Variants in SLC16A4 observed in about 807,000 individuals in gnomAD.
SLC16A4 encodes probable monocarboxylate transporter 5.
SLC16A4 carries 39 observed loss-of-function variants against 47.9 expected under a neutral mutation model. The observed-to-expected ratio is 0.81, with a 90% confidence interval of 0.63 to 1.06. The LOEUF (loss-of-function observed/expected upper bound fraction) is 1.06, where lower values mean the gene tolerates loss of function less well. Among genes scored for constraint, SLC16A4 ranks in the 50% least tolerant of loss-of-function variants. The pLI is 0.00. For synonymous variants in SLC16A4, 189 were observed against 199.9 expected, an observed-to-expected ratio of 0.95 and a Z score of 0.46; for missense variants, 524 against 573.8, an observed-to-expected ratio of 0.91 and a Z score of 0.89.
intron 7 of SLC16A4, 77 bp from the exon 8 acceptor site, chr1:110,375,628 A>G (rs1661957821): frequency 1.3e-6 from 1 of 790,724 alleles, no homozygotes; most frequent in East Asian, 2.5e-5. Flanking sequence ...AGGGACAAAT[A>G]CTATTTATAT....
chr1:110,377,250 ATC>A (rs1662059569), intron 6 of SLC16A4, 89 bp from the exon 7 acceptor site: 1 of 1,068,526 alleles, frequency 9.4e-7, no homozygotes, highest in African/African-American at 1.6e-5. Context: ...ATATGATCTC[ATC>A]CTGAGGCCAG....
chr1:110,381,982 T>C (rs1355116832), intron 3 of SLC16A4, among the ~76,000 whole-genome samples, 187 bp from the exon 4 acceptor site: 1 of 152,178 alleles, frequency 6.6e-6, no homozygotes, highest in Non-Finnish European at 1.5e-5. Context: ...ATTTTAGTTT[T>C]TGGAAGGGGA....
chr1:110,377,762 A>C (rs1662090229), intron 6 of SLC16A4, among the ~76,000 whole-genome samples: 1 of 152,188 alleles, frequency 6.6e-6, no homozygotes, highest in Non-Finnish European at 1.5e-5. Flanking sequence ...TAGATCAAGC[A>C]TTCTGTCTTT....
intron 8 of SLC16A4, among the ~76,000 whole-genome samples, chr1:110,367,792 G>C (rs1467612325): frequency 6.6e-6 from 1 of 152,090 alleles, no homozygotes; most frequent in Non-Finnish European, 1.5e-5. Flanking sequence ...AATCTGTTCA[G>C]ATGCACTTCG....
chr1:110,367,324 T>A (rs1284144969), intron 8 of SLC16A4, among the ~76,000 whole-genome samples: 1 of 152,058 alleles, frequency 6.6e-6, no homozygotes, highest in Non-Finnish European at 1.5e-5. Context: ...TGAGACCCTA[T>A]CTCTACAAAA....
chr1:110,387,439 A>C (rs778510824), intron 2 of SLC16A4, among the ~76,000 whole-genome samples: 5 of 152,240 alleles, frequency 3.3e-5, no homozygotes, highest in Non-Finnish European at 7.3e-5. Context: ...GTTGTAAGTC[A>C]TACAGAAACA....
intron 8 of SLC16A4, among the ~76,000 whole-genome samples, chr1:110,365,466 C>G (rs775278402): frequency 5.9e-5 from 9 of 152,122 alleles, no homozygotes; most frequent in Non-Finnish European, 1.3e-4. Flanking sequence ...GTTTTATAAC[C>G]TCTTAAGTTC....
chr1:110,383,945 G>C lies in SLC16A4; in HGVS notation c.88-979C>G, dbSNP rs184898446. ...AGGACAGCTTGGAAGTTAGAAGCAG[G>C]ATGGATGGAGTTGGTTAGGTCAGAT... On this transcript the variant is annotated intron_variant, in intron 2 of 8. Transcript: ENST00000369779. Among the ~76,000 whole-genome samples, 6 of 151,804 alleles carry C rather than the reference G, an allele frequency of 4.0e-5. No homozygotes were observed. In the East Asian group the frequency reaches 5.9e-4, roughly 15 times the overall value.
Position 110,382,877 on chromosome 1 carries a change from A to G in SLC16A4, c.177T>C (p.Ile59=). 3.1e-6 allele frequency: 5 copies of G among 1,612,440 alleles called. No individual in the cohort carries two copies. The highest frequency in any genetic ancestry group is 4.2e-6 in the Non-Finnish European group (5 of 1,178,882). ...ATGACATGATGGATCCAATCCAACC[A>G]ATTTGCTCTGAGGTGCCTTCAAACT... ...QEEFEGTSEQ[I]GWIGSIMSSL... The change falls in exon 3 of 9, where the codon ATT becomes ATC. Residue 59 remains isoleucine, a synonymous_variant. Coordinates refer to ENST00000369779, the MANE Select transcript of SLC16A4 (RefSeq NM_004696.3).
chr1:110,389,031 T>C (rs1486214535), intron 2 of SLC16A4, among the ~76,000 whole-genome samples: 1 of 152,226 alleles, frequency 6.6e-6, no homozygotes, highest in Admixed American at 6.5e-5. Context: ...CTGCTTTTGC[T>C]CTAGGGGCAT....
chr1:110,366,221 A>G (rs578122860), intron 8 of SLC16A4, among the ~76,000 whole-genome samples: 11 of 151,312 alleles, frequency 7.3e-5, no homozygotes, highest in Non-Finnish European at 1.5e-4. Context: ...TGAGTTGCGC[A>G]ATCTCGGCTC....
chr1:110,373,316 C>T (rs1447888563), intron 8 of SLC16A4, among the ~76,000 whole-genome samples: 1 of 152,160 alleles, frequency 6.6e-6, no homozygotes, highest in African/African-American at 2.4e-5. Flanking sequence ...TTCCAAGGCA[C>T]TACTGGGACA....
At chr1:110,369,932 T>A (rs1661599581) in intron 8 of SLC16A4, among the ~76,000 whole-genome samples, 2 of 152,218 alleles carry the variant, frequency 1.3e-5, no homozygotes, top group South Asian at 4.1e-4. Context: ...TCAGTAAAGT[T>A]TCCTTGATAG....
intron 2 of SLC16A4, among the ~76,000 whole-genome samples, chr1:110,388,891 G>A (rs1034882208): frequency 1.3e-5 from 2 of 152,120 alleles, no homozygotes; most frequent in African/African-American, 4.8e-5. Flanking sequence ...TTGTATTTTT[G>A]TAGTGATCGG....
intron 8 of SLC16A4, among the ~76,000 whole-genome samples, chr1:110,374,205 T>C (rs1661851891): frequency 6.6e-6 from 1 of 151,922 alleles, no homozygotes; most frequent in Non-Finnish European, 1.5e-5. Flanking sequence ...TACACTCGGC[T>C]AATTTTTGTA....
At chr1:110,366,340 A>G (rs1471844485) in intron 8 of SLC16A4, among the ~76,000 whole-genome samples, 2 of 151,900 alleles carry the variant, frequency 1.3e-5, no homozygotes, top group South Asian at 4.2e-4. Flanking sequence ...TTGTATTTTT[A>G]GTAGAGATGG....
At chr1:110,377,567 CAT>C (rs888521713) in intron 6 of SLC16A4, among the ~76,000 whole-genome samples, 1 of 152,090 alleles carries the variant, frequency 6.6e-6, no homozygotes, top group African/African-American at 2.4e-5. Flanking sequence ...TTGGGGAAGT[CAT>C]ATTGTAGAAG....
chr1:110,369,350 AG>A (rs969137269), intron 8 of SLC16A4, among the ~76,000 whole-genome samples: 32 of 152,122 alleles, frequency 2.1e-4, no homozygotes, highest in Non-Finnish European at 4.1e-4. Context: ...CTGTAATCCC[AG>A]CACTTTGGGA....
chr1:110,372,151 A>G (rs2101003580), intron 8 of SLC16A4: 1 of 152,290 alleles, frequency 6.6e-6, no homozygotes, highest in East Asian at 1.9e-4. Context: ...AAGGAGAGAA[A>G]TATTGTTCAT....
Sources: allele counts gnomAD v4.1 joint callset (sites outside exome capture counted in the v4.1 genomes callset), GRCh38; gene constraint gnomAD v4.1.1; transcripts MANE v1.5; gene names NCBI Gene and HGNC (gene_info 2026-07-23, HGNC 2026-07-21).